Variants in PSD3 observed in about 807,000 individuals in gnomAD.
PSD3 encodes pleckstrin and Sec7 domain containing 3, also known as PH and SEC7 domain-containing protein 3.
Under a neutral mutation model 105.5 loss-of-function variants are expected in PSD3, and 49 were observed. The ratio of observed to expected loss-of-function variants is 0.46; its 90% CI spans 0.37 to 0.59. The LOEUF is 0.59. Ranked by LOEUF, PSD3 falls within the 20% of genes least tolerant of loss-of-function variation. The pLI, the probability that PSD3 is intolerant of heterozygous loss-of-function variation, is 0.00. For missense variants in PSD3, 1,561 were observed against 1,263.8 expected (o/e 1.24, Z -3.57); for synonymous variants, 557 against 457.8 (o/e 1.22, Z -2.77).
chr8:18,590,493 C>G (rs928081070), intron 12 of PSD3, among the ~76,000 whole-genome samples: 5 of 152,228 alleles, frequency 3.3e-5, no homozygotes, highest in Middle Eastern at 3.4e-3. Flanking sequence ...CAATAATACA[C>G]TGAAAACAGA....
At chr8:18,598,953 T>G (rs1032359332) in intron 12 of PSD3, among the ~76,000 whole-genome samples, 1 of 152,076 alleles carries the variant, frequency 6.6e-6, no homozygotes, top group African/African-American at 2.4e-5. Flanking sequence ...AGATTTAACA[T>G]TATTAAAATG....
chr8:18,899,047 T>A lies in PSD3; in HGVS notation c.131-26314A>T, dbSNP rs575067571. On this transcript the variant is annotated intron_variant, in intron 2 of 15. Transcript: ENST00000327040. ...CCATATGATAGAAGGGTCAACATCA[T>A]AAAAGAAGTCAAAAACAGTCTGGAA... Among the ~76,000 whole-genome samples, 492 of 152,316 alleles carry A rather than the reference T, an allele frequency of 3.2e-3. 4 individuals are homozygous for A. Among genetic ancestry groups the A allele is most frequent in the African/African-American group, 0.012 (483 of 41,584 alleles).
rs1449151545 is a variant in PSD3 at position 18,872,338 on chromosome 8, C to T, written c.526G>A (p.Ala176Thr). 11 of 1,614,178 alleles carry T rather than the reference C, an allele frequency of 6.8e-6. No individual in the cohort carries two copies. The highest frequency in any genetic ancestry group is 9.3e-6 in the Non-Finnish European group (11 of 1,180,022). ...VQQVEKELDT[A>T]SRKTQRVNKT... is the part of the protein sequence containing the mutation. ...TTGACTCTCTGTGTTTTACGACTGG[C>T]AGTGTCCAGCTCTTTTTCCACCTGC... The change falls in exon 3 of 16, where the codon GCC becomes ACC. Residue 176 changes from alanine (A) to threonine (T), a missense_variant. Physicochemically the swap from Ala to Thr is moderately conservative, Grantham distance 58 (BLOSUM62 0). Transcript: ENST00000327040.
intron 11 of PSD3, among the ~76,000 whole-genome samples, chr8:18,619,482 A>G (rs1225949241): frequency 1.3e-5 from 2 of 152,060 alleles, no homozygotes; most frequent in Non-Finnish European, 2.9e-5. Context: ...CACCTCTACT[A>G]AAAATACAAA....
chr8:18,925,941 T>A (rs1821333726), intron 2 of PSD3, among the ~76,000 whole-genome samples: 1 of 152,202 alleles, frequency 6.6e-6, no homozygotes, highest in Admixed American at 6.5e-5. Flanking sequence ...AACCTCATTT[T>A]AGAAATGATA....
At chr8:18,784,490 T>C (rs150716337) in intron 8 of PSD3, among the ~76,000 whole-genome samples, 2 of 152,212 alleles carry the variant, frequency 1.3e-5, no homozygotes, top group African/African-American at 4.8e-5. Flanking sequence ...CATGAGCTCA[T>C]ACAGGTTAAG....
At chr8:18,543,380 C>T (rs553806344) in intron 15 of PSD3, among the ~76,000 whole-genome samples, 18 of 151,962 alleles carry the variant, frequency 1.2e-4, no homozygotes, top group Non-Finnish European at 1.9e-4. Flanking sequence ...TTTGGGAGGC[C>T]GAGGCAGGCG....
chr8:19,068,483 G>T (rs189364356), intron 1 of PSD3, among the ~76,000 whole-genome samples: 42 of 152,170 alleles, frequency 2.8e-4, no homozygotes, highest in Admixed American at 3.3e-4. Context: ...TAGAGACAAG[G>T]TTTCACTATG....
At chr8:19,018,890 G>A (rs1258164189) in intron 1 of PSD3, among the ~76,000 whole-genome samples, 4 of 152,076 alleles carry the variant, frequency 2.6e-5, no homozygotes, top group East Asian at 1.9e-4. Context: ...TCCGCCTCCC[G>A]TGTTCAAGCA....
At chr8:18,753,155 G>C (rs927893816) in intron 9 of PSD3, among the ~76,000 whole-genome samples, 4 of 152,066 alleles carry the variant, frequency 2.6e-5, no homozygotes, top group African/African-American at 9.7e-5. Flanking sequence ...AGGAGCTTGA[G>C]ACCAGCCTGG....
At chr8:18,772,562 G>A (rs1307514539) in intron 8 of PSD3, among the ~76,000 whole-genome samples, 1 of 152,136 alleles carries the variant, frequency 6.6e-6, no homozygotes, top group African/African-American at 2.4e-5. Context: ...AGGCTGGAGT[G>A]CAGTGGCACA....
At chr8:18,641,725 T>C (rs1291302508) in intron 10 of PSD3, among the ~76,000 whole-genome samples, 1 of 152,144 alleles carries the variant, frequency 6.6e-6, no homozygotes, top group East Asian at 1.9e-4. Context: ...GGTGGTTGAA[T>C]GCAGGGGCAG....
chr8:18,671,788 C>T (rs375146694), intron 9 of PSD3, among the ~76,000 whole-genome samples: 73 of 152,202 alleles, frequency 4.8e-4, no homozygotes, highest in African/African-American at 1.7e-3. Flanking sequence ...CCCGCCATGA[C>T]GTCCGGCTAA....
At chr8:19,080,349 A>G (rs2129478321) in intron 1 of PSD3, among the ~76,000 whole-genome samples, 1 of 152,328 alleles carries the variant, frequency 6.6e-6, no homozygotes, top group Admixed American at 6.5e-5. Flanking sequence ...CCACAGAACT[A>G]GTTTGTCAGC....
Position 18,872,672 on chromosome 8 carries a change from C to T in PSD3, c.192G>A (p.Gly64=), listed in dbSNP as rs1230762632. The T allele has an allele frequency of 6.3e-7, 1 of 1,597,264 alleles. No individual in the cohort carries two copies. The highest frequency in any genetic ancestry group is 1.1e-5 in the South Asian group (1 of 87,816). Reference sequence around the variant, plus strand: ...GGCCTTCTCCACCTTCCTCCATGGTCCCATATTCTGGAAATTCATTTGTGA... The same window carrying T: ...GGCCTTCTCCACCTTCCTCCATGGTTCCATATTCTGGAAATTCATTTGTGA... ...PNVTNEFPEY[G]TMEEGGEGLR... Residue 64 remains glycine (G), a synonymous_variant, in exon 3 of 16, where the codon GGG becomes GGA. Coordinates refer to ENST00000327040, the MANE Select transcript of PSD3 (RefSeq NM_015310.4).
chr8:18,925,766 G>A (rs140749735), intron 2 of PSD3, among the ~76,000 whole-genome samples: 1 of 152,290 alleles, frequency 6.6e-6, no homozygotes, highest in African/African-American at 2.4e-5. Flanking sequence ...CGAGGAAGAT[G>A]ACTGGAGGAC....
rs759855743 is a variant in PSD3, at chr8:19,003,918, G to C, written c.21+9645C>G. ...ATTAGGTTCTAGGGGCAACCACTAA[G>C]GTCATCATTATTACCAGGTGAGATC... is the stretch of plus-strand genomic sequence containing the variant. On this transcript the variant is annotated intron_variant, in intron 1 of 15. Coordinates refer to ENST00000327040, the MANE Select transcript of PSD3 (RefSeq NM_015310.4). 1.4e-4 allele frequency among the ~76,000 whole-genome samples: 22 copies of C among 151,866 alleles called. 1 individual carries two copies. Among genetic ancestry groups the C allele is most frequent in the Admixed American group, 2.6e-4 (4 of 15,234 alleles).
intron 1 of PSD3, among the ~76,000 whole-genome samples, chr8:18,945,973 CA>C (rs1040998191): frequency 1.3e-5 from 2 of 151,520 alleles, no homozygotes; most frequent in African/African-American, 2.4e-5. Context: ...ACTCCATCTC[CA>C]AAAAAAATTA....
chr8:18,568,468 T>C (rs1328564020), intron 14 of PSD3, among the ~76,000 whole-genome samples: 1 of 148,488 alleles, frequency 6.7e-6, no homozygotes, highest in Admixed American at 6.9e-5. Context: ...CAAGAGACAG[T>C]GAGGTGAGAC....
Sources: allele counts gnomAD v4.1 joint callset (sites outside exome capture counted in the v4.1 genomes callset), GRCh38; gene constraint gnomAD v4.1.1; transcripts MANE v1.5; gene names NCBI Gene and HGNC (gene_info 2026-07-23, HGNC 2026-07-21).